LPP: variants seen among roughly 807,000 people sequenced by gnomAD.
LPP encodes lipoma-preferred partner.
In LPP, 38 loss-of-function variants were observed where a neutral mutation model predicts 60.4. The observed-to-expected ratio is 0.63, with a 90% CI of 0.49 to 0.83. The LOEUF is 0.83. LPP is among the 40% of genes least tolerant of loss of function. The pLI, the probability that LPP is intolerant of heterozygous loss-of-function variation, is 0.00. For synonymous variants in LPP, 328 were observed against 290.8 expected (o/e 1.13, Z -1.30); for missense variants, 902 against 783.6 (o/e 1.15, Z -1.80).
chr3:188,529,299 A>G (rs1821509167), intron 6 of LPP, among the ~76,000 whole-genome samples: 1 of 152,232 alleles, frequency 6.6e-6, no homozygotes, highest in Non-Finnish European at 1.5e-5. Flanking sequence ...TAGACCGTTA[A>G]TGCCCAACAT....
intron 7 of LPP, among the ~76,000 whole-genome samples, chr3:188,615,208 T>A (rs1162801651): frequency 6.6e-6 from 1 of 152,220 alleles, no homozygotes; most frequent in Non-Finnish European, 1.5e-5. Context: ...GTTTTATCTC[T>A]CCCCAGTATC....
intron 4 of LPP, among the ~76,000 whole-genome samples, chr3:188,449,090 A>T (rs1342179712): frequency 6.6e-6 from 1 of 152,208 alleles, no homozygotes; most frequent in Non-Finnish European, 1.5e-5. Context: ...AGCAACAACA[A>T]TAGCTCTGAG....
chr3:188,609,438 CT>C lies in LPP; in HGVS notation c.708del (p.Ala237ProfsTer160). ...KSAQPSPHYM[A>X]APSSGQIYGS... ...GCCCAGCCCAGCCCTCATTATATGG[CT>C]GCCCCTTCATCAGGACAAATTTATG... On this transcript the variant is annotated frameshift_variant, in exon 7 of 12. Coordinates refer to ENST00000617246, the MANE Select transcript of LPP (RefSeq NM_001375462.1). LOFTEE classifies it high-confidence loss of function. This position sits in a 1 kb window ranked among gnomAD's most constrained non-coding sequence, Gnocchi z 6.9. 6.2e-7 allele frequency: 1 copy of C among 1,614,190 alleles called. No homozygotes were observed. The highest frequency in any genetic ancestry group is 8.5e-7 in the Non-Finnish European group (1 of 1,180,036).
At chr3:188,669,525 G>A (rs936136753) in intron 7 of LPP, among the ~76,000 whole-genome samples, 7 of 152,074 alleles carry the variant, frequency 4.6e-5, no homozygotes, top group East Asian at 1.9e-4. Flanking sequence ...GCAGTGAGCC[G>A]AGATCGCACC....
chr3:188,272,987 C>T (rs56680643), intron 2 of LPP, among the ~76,000 whole-genome samples: 6,615 of 152,206 alleles, frequency 0.043, 493 homozygotes, highest in African/African-American at 0.15. Context: ...ACGAGCAAAG[C>T]GATGCTGAAA....
chr3:188,378,533 T>C lies in LPP; in HGVS notation c.-9-27579T>C, dbSNP rs375878974. Among the ~76,000 whole-genome samples the C allele has an allele frequency of 5.9e-5, 9 of 152,326 alleles. No homozygotes were observed. The East Asian group carries it at 1.5e-3, about 26-fold the overall frequency. On this transcript the variant is annotated intron_variant, in intron 3 of 11. Coordinates refer to ENST00000617246, the MANE Select transcript of LPP (RefSeq NM_001375462.1). Reference sequence around the variant, plus strand: ...GAGCCAGGTGGGGGATATAATCTCCTGATGTGCCATTTTTAAAGCCCATTG... The same window carrying C: ...GAGCCAGGTGGGGGATATAATCTCCCGATGTGCCATTTTTAAAGCCCATTG...
intron 1 of LPP, among the ~76,000 whole-genome samples, chr3:188,169,594 T>C (rs1319998072): frequency 6.6e-6 from 1 of 152,232 alleles, no homozygotes; most frequent in African/African-American, 2.4e-5. Flanking sequence ...TTCAGTATTG[T>C]GTATCTTTAC....
intron 1 of LPP, among the ~76,000 whole-genome samples, chr3:188,219,847 A>G (rs1384072312): frequency 6.6e-6 from 1 of 152,112 alleles, no homozygotes; most frequent in Non-Finnish European, 1.5e-5. Context: ...AGCCTGAGAT[A>G]ACCTCTCCAA....
Position 188,887,280 on chromosome 3 carries a change from A to C in LPP, c.*12801A>C, listed in dbSNP as rs1368774571. Reference sequence around the variant, plus strand: ...TCTTCCTTTTTTATTCTTTCTTGGGAGACGTTAAGTATAAAAGGGAAAAAG... The same window carrying C: ...TCTTCCTTTTTTATTCTTTCTTGGGCGACGTTAAGTATAAAAGGGAAAAAG... On this transcript the variant is annotated 3_prime_UTR_variant, in exon 12 of 12. Transcript: ENST00000617246. 1 of 217,836 alleles carries C rather than the reference A, an allele frequency of 4.6e-6. No individual in the cohort carries two copies. The highest frequency in any genetic ancestry group is 2.2e-5 in the African/African-American group (1 of 44,476). The allele number at this position is 217,836 out of a possible 1,614,324, so 13.5% of individuals were successfully genotyped here. A position where few individuals can be genotyped will look rare whatever the true frequency, so the allele number is the denominator to read the frequency against.
chr3:188,173,567 C>CA (rs1237622192), intron 1 of LPP, among the ~76,000 whole-genome samples: 11 of 151,026 alleles, frequency 7.3e-5, no homozygotes, highest in Admixed American at 2.6e-4. Flanking sequence ...GACTCCATCT[C>CA]AAAAAAAAAG....
intron 7 of LPP, among the ~76,000 whole-genome samples, chr3:188,667,874 A>T (rs183623950): frequency 6.6e-6 from 1 of 151,990 alleles, no homozygotes; most frequent in East Asian, 1.9e-4. Context: ...TTTTCCAAAT[A>T]AAAGATAGAT....
At chr3:188,196,344 T>C (rs1362306501) in intron 1 of LPP, among the ~76,000 whole-genome samples, 1 of 152,210 alleles carries the variant, frequency 6.6e-6, no homozygotes, top group Non-Finnish European at 1.5e-5. Flanking sequence ...TCTTTTGGCA[T>C]TGTTAGCTTG....
chr3:188,416,273 T>C (rs1208700186), intron 4 of LPP, among the ~76,000 whole-genome samples: 1 of 152,176 alleles, frequency 6.6e-6, no homozygotes, highest in Non-Finnish European at 1.5e-5. Context: ...CCTGTGGTTT[T>C]CAAAGCTGGC....
At chr3:188,272,205 G>A (rs1737987323) in intron 2 of LPP, among the ~76,000 whole-genome samples, 1 of 152,168 alleles carries the variant, frequency 6.6e-6, no homozygotes, top group Non-Finnish European at 1.5e-5. Context: ...CTGGCAAGTG[G>A]ACATGCTAGT....
At position 188,879,615 on chromosome 3, in the gene LPP, A is replaced by G. The variant is rs1391146390; in HGVS notation, c.*5136A>G. The stretch of plus-strand genomic sequence containing the variant: ...CAGCTGTATGCAAAGTAATCTTTCA[A>G]AGACTAGGTTAAGATTTTTTTTTTA... On this transcript the variant is annotated 3_prime_UTR_variant, in exon 12 of 12. Coordinates refer to ENST00000617246, the MANE Select transcript of LPP (RefSeq NM_001375462.1). 1.1e-5 allele frequency: 2 copies of G among 187,808 alleles called. No individual in the cohort carries two copies. Among genetic ancestry groups the G allele is most frequent in the Non-Finnish European group, 2.2e-5 (2 of 89,292 alleles). The allele number at this position is 187,808 out of a possible 1,614,324, so 11.6% of individuals were successfully genotyped here. A position where few individuals can be genotyped will look rare whatever the true frequency, so the allele number is the denominator to read the frequency against.
intron 5 of LPP, among the ~76,000 whole-genome samples, chr3:188,502,015 C>A (rs1474075519): frequency 6.6e-6 from 1 of 151,926 alleles, no homozygotes; most frequent in Non-Finnish European, 1.5e-5. Context: ...CCATTGTGCT[C>A]AGAGAAGATA....
chr3:188,322,299 T>C (rs1411624153), intron 2 of LPP, among the ~76,000 whole-genome samples: 1 of 152,214 alleles, frequency 6.6e-6, no homozygotes, highest in Non-Finnish European at 1.5e-5. Context: ...ATATGACTTA[T>C]AGGCCCTCAG....
intron 7 of LPP, among the ~76,000 whole-genome samples, chr3:188,661,767 T>C (rs1854627152): frequency 6.6e-6 from 1 of 152,232 alleles, no homozygotes; most frequent in Non-Finnish European, 1.5e-5. Context: ...GATGCATTTT[T>C]GACATGCACC....
intron 6 of LPP, among the ~76,000 whole-genome samples, chr3:188,581,506 T>C (rs544935151): frequency 6.6e-6 from 1 of 152,276 alleles, no homozygotes; most frequent in African/African-American, 2.4e-5. Flanking sequence ...CTAAATGGTC[T>C]TTTCTCCACA....
Sources: allele counts gnomAD v4.1 joint callset (sites outside exome capture counted in the v4.1 genomes callset), GRCh38; gene constraint gnomAD v4.1.1; non-coding constraint Gnocchi (gnomAD v3.1); transcripts MANE v1.5; gene names NCBI Gene and HGNC (gene_info 2026-07-23, HGNC 2026-07-21).